Variants in ADGRG5 observed in about 807,000 individuals in gnomAD.
The protein encoded by ADGRG5 is adhesion G protein-coupled receptor G5.
Under a neutral mutation model 53.2 loss-of-function variants are expected in ADGRG5, and 37 were observed. The ratio of observed to expected loss-of-function variants is 0.70; its 90% CI spans 0.53 to 0.91. ADGRG5 has a LOEUF of 0.91. Among genes scored for constraint, ADGRG5 ranks in the 40% least tolerant of loss-of-function variants. ADGRG5 has a pLI of 0.00. For missense variants in ADGRG5, 614 were observed against 675.8 expected (o/e 0.91, Z 1.01); for synonymous variants, 277 against 290.4 (o/e 0.95, Z 0.47).
the ADGRG5 span, among the ~76,000 whole-genome samples, chr16:57,532,500 G>A: frequency 6.6e-6 from 1 of 152,118 alleles, no homozygotes; most frequent in Non-Finnish European, 1.5e-5. Context: ...ACACAGACAT[G>A]CAATCCCATG....
At chr16:57,572,202 G>T (rs1029730882) in intron 10 of ADGRG5, among the ~76,000 whole-genome samples, 1 of 151,878 alleles carries the variant, frequency 6.6e-6, no homozygotes, top group Non-Finnish European at 1.5e-5. Flanking sequence ...CAGGCCAGGC[G>T]TGGTGGCTCA....
the ADGRG5 span, chr16:57,536,735 C>T: frequency 1.3e-5 from 2 of 152,156 alleles, no homozygotes; most frequent in Non-Finnish European, 2.9e-5. Flanking sequence ...AGCCTAACTT[C>T]GGGGCGAGGG....
At chr16:57,559,744 T>TA (rs77775175) in intron 1 of ADGRG5, among the ~76,000 whole-genome samples, 5,541 of 142,410 alleles carry the variant, frequency 0.039, 343 homozygotes, top group African/African-American at 0.13. Context: ...TCCAGTAGGC[T>TA]AAAAAAAAAA....
the ADGRG5 span, among the ~76,000 whole-genome samples, chr16:57,535,196 C>T: frequency 6.6e-6 from 1 of 152,228 alleles, no homozygotes; most frequent in South Asian, 2.1e-4. Flanking sequence ...GCACCTGTCC[C>T]TGTGACCTGC....
At chr16:57,553,800 G>C (rs1300695746) in intron 1 of ADGRG5, among the ~76,000 whole-genome samples, 1 of 152,204 alleles carries the variant, frequency 6.6e-6, no homozygotes, top group Admixed American at 6.5e-5. Context: ...TCTGTGGCTA[G>C]TTTTGGTATA....
chr16:57,574,833 C>G lies in ADGRG5; in HGVS notation c.1227C>G (p.Pro409=), dbSNP rs145913178. The G allele has an allele frequency of 5.0e-6, 8 of 1,590,560 alleles. No homozygotes were observed. Among genetic ancestry groups the G allele is most frequent in the Non-Finnish European group, 6.9e-6 (8 of 1,165,578 alleles). ...CCTGCAGATGCTGGGTGCGGAGCCC[C>G]GTGGTGCACAGTGTCCTGGTCATGG... ...QNMSICWVRS[P]VVHSVLVMGY... Residue 409 remains proline (P), a synonymous_variant, in exon 11 of 12, where the codon CCC becomes CCG. Transcript: ENST00000349457. The surrounding 1 kb of genome is among the most constrained non-coding windows in gnomAD (Gnocchi z 4.4).
At chr16:57,575,269 G>A (rs1284743660) in intron 11 of ADGRG5, among the ~76,000 whole-genome samples, 169 bp from the exon 12 acceptor site, 5 of 152,142 alleles carry the variant, frequency 3.3e-5, no homozygotes, top group Non-Finnish European at 5.9e-5. Context: ...CTATGGACTG[G>A]CCACAGCAGC....
chr16:57,530,138 G>C, the ADGRG5 span, among the ~76,000 whole-genome samples: 1 of 152,170 alleles, frequency 6.6e-6, no homozygotes, highest in Admixed American at 6.5e-5. Flanking sequence ...GGGCTTCTGA[G>C]AGTGCAGCAG....
chr16:57,552,013 T>C (rs2032768384), intron 1 of ADGRG5, among the ~76,000 whole-genome samples: 1 of 143,998 alleles, frequency 6.9e-6, no homozygotes. Context: ...TGAGCAGAAA[T>C]ATTTTGAAAT....
chr16:57,553,220 G>T (rs1209933403), intron 1 of ADGRG5, among the ~76,000 whole-genome samples: 3 of 152,156 alleles, frequency 2.0e-5, no homozygotes, highest in Non-Finnish European at 4.4e-5. Flanking sequence ...CTTCCTTGAT[G>T]CAGGGTTGCT....
intron 3 of ADGRG5, 65 bp downstream of exon 3, chr16:57,562,524 TG>T: frequency 2.8e-6 from 3 of 1,066,222 alleles, no homozygotes; most frequent in Non-Finnish European, 4.2e-6. Flanking sequence ...GTTAGTCTAA[TG>T]TAGACTCTTA....
At chr16:57,544,831 C>G (rs1168394032) in intron 1 of ADGRG5, among the ~76,000 whole-genome samples, 2 of 152,146 alleles carry the variant, frequency 1.3e-5, no homozygotes, top group Admixed American at 1.3e-4. Context: ...CTCTGTCACC[C>G]AGGCCGGAGT....
At chr16:57,552,123 T>A (rs1253014259) in intron 1 of ADGRG5, among the ~76,000 whole-genome samples, 2 of 152,172 alleles carry the variant, frequency 1.3e-5, no homozygotes, top group Non-Finnish European at 2.9e-5. Flanking sequence ...GCTTTGTTAT[T>A]CCATTTGTAG....
chr16:57,575,182 G>A (rs2033481914), intron 11 of ADGRG5, 90 bp downstream of exon 11: 1 of 1,394,724 alleles, frequency 7.2e-7, no homozygotes, highest in South Asian at 1.3e-5. Flanking sequence ...CAGGTGAAGG[G>A]GGCGAGTGGG....
Position 57,574,283 on chromosome 16 carries a change from C to T in ADGRG5, c.1209-532C>T, listed in dbSNP as rs2033449563. 6.6e-6 allele frequency among the ~76,000 whole-genome samples: 1 copy of T among 152,324 alleles called. No homozygotes were observed. Among genetic ancestry groups the T allele is most frequent in the South Asian group, 2.1e-4 (1 of 4,828 alleles). ...TTGACACTTGGAGGGTCCCTGTCCA[C>T]CAAGCCACAGGTTGGCAGCCCGCCC... On this transcript the variant is annotated intron_variant, in intron 10 of 11. Transcript: ENST00000349457. This position sits in a 1 kb window ranked among gnomAD's most constrained non-coding sequence, Gnocchi z 4.4.
At chr16:57,531,819 C>T in the ADGRG5 span, among the ~76,000 whole-genome samples, 1 of 152,200 alleles carries the variant, frequency 6.6e-6, no homozygotes, top group African/African-American at 2.4e-5. Context: ...CTTCTCCTGG[C>T]AAACGCCAAC....
intron 2 of ADGRG5, 91 bp downstream of exon 2, chr16:57,562,248 A>G: frequency 6.9e-7 from 1 of 1,456,954 alleles, no homozygotes; most frequent in Non-Finnish European, 9.5e-7. Flanking sequence ...GGGAGATTGA[A>G]AAGGGCCACT....
At chr16:57,543,421 T>C (rs1400377567) in intron 1 of ADGRG5, among the ~76,000 whole-genome samples, 1 of 151,864 alleles carries the variant, frequency 6.6e-6, no homozygotes, top group Admixed American at 6.6e-5. Flanking sequence ...TAGCTGGGAT[T>C]ACAGGCACCA....
At chr16:57,532,414 T>C in the ADGRG5 span, among the ~76,000 whole-genome samples, 1 of 152,190 alleles carries the variant, frequency 6.6e-6, no homozygotes, top group Non-Finnish European at 1.5e-5. Context: ...CCTGTGCCTC[T>C]GTGACCCAGT....
Sources: gnomAD v4.1 joint callset for allele counts (sites outside exome capture counted in the v4.1 genomes callset) on GRCh38, gnomAD v4.1.1 for gene constraint, Gnocchi (gnomAD v3.1) non-coding constraint, MANE v1.5 for transcripts, NCBI Gene and HGNC (gene_info 2026-07-23, HGNC 2026-07-21) for gene names.